The following USP20 variants were observed in gnomAD, a reference collection of about 807,000 sequenced individuals.
USP20 encodes the protein ubiquitin specific peptidase 20.
USP20 carries 80 observed loss-of-function variants against 124.2 expected under a neutral mutation model. That is an observed-to-expected ratio of 0.64 (90% CI 0.54 to 0.78). USP20 has a LOEUF of 0.78. Among genes scored for constraint, USP20 ranks in the 30% least tolerant of loss-of-function variants. The pLI, the probability that USP20 is intolerant of heterozygous loss-of-function variation, is 0.00. For missense variants in USP20, 1,043 were observed against 1,244.4 expected (o/e 0.84, Z 2.44); for synonymous variants, 481 against 512.3 (o/e 0.94, Z 0.83).
chr9:129,860,113 G>A (rs7849177), intron 6 of USP20, among the ~76,000 whole-genome samples: 133,311 of 152,006 alleles, frequency 0.88, 58,841 homozygotes, highest in East Asian at 1. Context: ...GGCAGATCAC[G>A]AGGTCAGGAG....
intron 15 of USP20, 121 bp from the exon 16 acceptor site, chr9:129,873,361 C>A: frequency 1.6e-6 from 2 of 1,258,286 alleles, no homozygotes; most frequent in Non-Finnish European, 1.2e-6. Context: ...TAGGATTACA[C>A]GCATGAGCCA....
At chr9:129,867,884 T>A (rs2033896413) in intron 10 of USP20, 121 bp from the exon 11 acceptor site, 1 of 1,258,736 alleles carries the variant, frequency 7.9e-7, no homozygotes, top group Non-Finnish European at 1.1e-6. Context: ...GCAACTCTTC[T>A]GCAGGGGGCG....
Position 129,880,012 on chromosome 9 carries a change from T to G in USP20, c.2585-101T>G. ...TGCATAGAAGCCCTGGTTGCCGTCT[T>G]CCCGCTTCGGGGCCTGGCCCTGCGG... On this transcript the variant is annotated intron_variant, in intron 24 of 25. Coordinates refer to ENST00000372429, the MANE Select transcript of USP20 (RefSeq NM_001110303.4). The G allele has an allele frequency of 3.5e-6, 5 of 1,445,366 alleles. No homozygotes were observed. In the South Asian group the frequency reaches 6.6e-5, roughly 19 times the overall value. 89.5% of individuals were successfully genotyped at this position (1,445,366 alleles called of 1,614,324 possible).
At chr9:129,858,924 C>T (rs916113350) in intron 6 of USP20, among the ~76,000 whole-genome samples, 1 of 152,280 alleles carries the variant, frequency 6.6e-6, no homozygotes. Context: ...TAGACCCTTC[C>T]AGGCCTTATG....
At chr9:129,843,521 G>T (rs973443703) in intron 1 of USP20, among the ~76,000 whole-genome samples, 7 of 152,090 alleles carry the variant, frequency 4.6e-5, no homozygotes, top group Non-Finnish European at 1.0e-4. Context: ...GATCACCTGA[G>T]ATCAGGAGTT....
intron 1 of USP20, among the ~76,000 whole-genome samples, chr9:129,846,396 C>T (rs1467483957): frequency 1.3e-5 from 2 of 150,388 alleles, no homozygotes; most frequent in Non-Finnish European, 3.0e-5. Flanking sequence ...GCTGGGACTA[C>T]AGGTGCGTGC....
In USP20 at chr9:129,874,858, G is replaced by T; in HGVS notation, c.1951G>T (p.Val651Leu). The T allele has an allele frequency of 3.7e-6, 6 of 1,614,152 alleles. No homozygotes were observed. Among genetic ancestry groups the T allele is most frequent in the Non-Finnish European group, 5.1e-6 (6 of 1,180,038 alleles). ...GCACTACATCGCCTACTGCCAGAACGTGATCAATGGGCAGTGGTACGAGTT... is the reference window on the plus strand; with the variant it reads ...GCACTACATCGCCTACTGCCAGAACTTGATCAATGGGCAGTGGTACGAGTT... ...SGHYIAYCQN[V>L]INGQWYEFDD... Residue 651 changes from valine to leucine, a missense_variant, in exon 19 of 26, where the codon GTG becomes TTG. Physicochemically the swap from Val to Leu is conservative, Grantham distance 32 (BLOSUM62 1). Coordinates refer to ENST00000372429, the MANE Select transcript of USP20 (RefSeq NM_001110303.4).
At chr9:129,870,401 C>T in intron 14 of USP20, 52 bp from the exon 15 acceptor site, 1 of 1,586,234 alleles carries the variant, frequency 6.3e-7, no homozygotes, top group Non-Finnish European at 8.6e-7. Flanking sequence ...CCTTCAGCTC[C>T]TGTTCTTGCC....
intron 3 of USP20, among the ~76,000 whole-genome samples, chr9:129,853,914 G>A (rs542947133): frequency 6.6e-6 from 1 of 152,148 alleles, no homozygotes; most frequent in African/African-American, 2.4e-5. Context: ...CTCTGGGGCT[G>A]TGTGTCAGAG....
intron 1 of USP20, among the ~76,000 whole-genome samples, chr9:129,840,796 G>T (rs1168605800): frequency 1.4e-5 from 2 of 147,522 alleles, no homozygotes; most frequent in Admixed American, 1.4e-4. Flanking sequence ...TTGAGATAGG[G>T]TCTTGCTCTT....
intron 2 of USP20, among the ~76,000 whole-genome samples, chr9:129,850,975 C>T (rs2032886299): frequency 6.6e-6 from 1 of 152,044 alleles, no homozygotes; most frequent in African/African-American, 2.4e-5. Context: ...TTTTAAGACT[C>T]ATGCAGTCAC....
chr9:129,862,995 G>A (rs4837418), intron 8 of USP20, among the ~76,000 whole-genome samples, 191 bp from the exon 9 acceptor site: 133,296 of 151,996 alleles, frequency 0.88, 58,846 homozygotes, highest in East Asian at 1. Context: ...TTAGGGCTTC[G>A]CAGATGAATT....
rs985513319 is a variant in USP20 at position 129,858,372 on chromosome 9, C to T, written c.199-95C>T. 9.5e-6 allele frequency: 15 copies of T among 1,573,030 alleles called. No homozygotes were observed. In the Admixed American group the frequency reaches 1.6e-4, roughly 17 times the overall value. ...TCCGGCCTCTGTCCTGACAGGGCCTCTTACTGAGAGGCTGGGGAGCGGAGC... is the reference window on the plus strand; with the variant it reads ...TCCGGCCTCTGTCCTGACAGGGCCTTTTACTGAGAGGCTGGGGAGCGGAGC... On this transcript the variant is annotated intron_variant, in intron 5 of 25. Coordinates refer to ENST00000372429, the MANE Select transcript of USP20 (RefSeq NM_001110303.4).
In USP20 at chr9:129,865,344, A is replaced by G. The variant is rs773346333; in HGVS notation, c.653A>G (p.Lys218Arg). Residue 218 changes from lysine (K) to arginine (R), a missense_variant, in exon 10 of 26, where the codon AAG becomes AGG. Lys to Arg is a conservative substitution (Grantham distance 26). Transcript: ENST00000372429. ...CCCACCAGTCTGTCTCATGGGATCA[A>G]GTTGGTCAACCCAATGTTCCGAGGC... ...VVPTSLSHGI[K>R]LVNPMFRGYA... 3 of 1,614,068 alleles carry G rather than the reference A, an allele frequency of 1.9e-6. No homozygotes were observed. Among genetic ancestry groups the G allele is most frequent in the Non-Finnish European group, 2.5e-6 (3 of 1,180,024 alleles).
At position 129,874,905 on chromosome 9, in the gene USP20, A is replaced by G. The variant is rs748132530; in HGVS notation, c.1998A>G (p.Glu666=). The change falls in exon 19 of 26, where the codon GAA becomes GAG. Residue 666 remains glutamate (E), a synonymous_variant. Transcript: ENST00000372429. Reference sequence around the variant, plus strand: ...AGTTTGATGACCAGTACGTCACAGAAGTCCACGAGACGGTGGTGCAGAACG... The same window carrying G: ...AGTTTGATGACCAGTACGTCACAGAGGTCCACGAGACGGTGGTGCAGAACG... ...WYEFDDQYVT[E]VHETVVQNAE... 3.7e-6 allele frequency: 6 copies of G among 1,614,004 alleles called. No homozygotes were observed. Among genetic ancestry groups the G allele is most frequent in the Non-Finnish European group, 5.1e-6 (6 of 1,180,034 alleles).
At chr9:129,870,073 C>T (rs946439818) in intron 14 of USP20, 1 of 608,574 alleles carries the variant, frequency 1.6e-6, no homozygotes, top group South Asian at 2.0e-5. Context: ...CGATGGACAG[C>T]AGGGAGGTGA....
chr9:129,877,690 AC>A (rs917302981), intron 22 of USP20, among the ~76,000 whole-genome samples: 3 of 150,480 alleles, frequency 2.0e-5, no homozygotes, highest in Admixed American at 6.6e-5. Flanking sequence ...GAGTGAGACC[AC>A]CCCCCATCTC....
rs1302659688 is a variant in USP20, at chr9:129,859,928, A to C, written c.331-1009A>C. Among the ~76,000 whole-genome samples, 62 of 152,130 alleles carry C rather than the reference A, an allele frequency of 4.1e-4. 1 individual carries two copies. Among genetic ancestry groups the C allele is most frequent in the Admixed American group, 4.0e-3 (61 of 15,268 alleles). On this transcript the variant is annotated intron_variant, in intron 6 of 25. Coordinates refer to ENST00000372429, the MANE Select transcript of USP20 (RefSeq NM_001110303.4). ...ATGCTTGTAATCCCAGCTACTTGGG[A>C]GGCTGAGGTGGGAGGATCACTTGAG...
At position 129,879,318 on chromosome 9, in the gene USP20, G is replaced by A. The variant is rs562872267; in HGVS notation, c.2513-255G>A. 3 of 489,242 alleles carry A rather than the reference G, an allele frequency of 6.1e-6. No homozygotes were observed. In the South Asian group the frequency reaches 9.7e-5, roughly 16 times the overall value. 30.3% of individuals were successfully genotyped at this position (489,242 alleles called of 1,614,324 possible). On this transcript the variant is annotated intron_variant, in intron 23 of 25. Coordinates refer to ENST00000372429, the MANE Select transcript of USP20 (RefSeq NM_001110303.4). This position sits in a 1 kb window ranked among gnomAD's most constrained non-coding sequence, Gnocchi z 4.2. ...GTGGTGAGCGGCAGCTGCCAGCAGA[G>A]ATAAGGGCATGGGCCATCCACCGCA...
Sources: gnomAD v4.1 joint callset for allele counts (sites outside exome capture counted in the v4.1 genomes callset) on GRCh38, gnomAD v4.1.1 for gene constraint, Gnocchi (gnomAD v3.1) non-coding constraint, MANE v1.5 for transcripts, NCBI Gene and HGNC (gene_info 2026-07-23, HGNC 2026-07-21) for gene names.